The following GAN variants were observed in gnomAD, a reference collection of about 807,000 sequenced individuals.
GAN encodes epididymis secretory sperm binding protein.
GAN carries 48 observed loss-of-function variants against 71.3 expected under a neutral mutation model. The ratio of observed to expected loss-of-function variants is 0.67; its 90% CI spans 0.53 to 0.86. GAN has a LOEUF of 0.86. Among genes scored for constraint, GAN ranks in the 40% least tolerant of loss-of-function variants. The pLI, the probability that GAN is intolerant of heterozygous loss-of-function variation, is 0.00. For synonymous variants in GAN, 386 were observed against 276.8 expected, an observed-to-expected ratio of 1.39 and a Z score of -3.92; for missense variants, 928 against 770.1, an observed-to-expected ratio of 1.21 and a Z score of -2.43.
chr16:81,338,321 T>C (rs747163791), intron 1 of GAN, among the ~76,000 whole-genome samples: 1 of 152,230 alleles, frequency 6.6e-6, no homozygotes, highest in Non-Finnish European at 1.5e-5. Context: ...TTTACATGTA[T>C]GATCCTGTAG....
chr16:81,357,608 T>C (rs1299133454), intron 4 of GAN, among the ~76,000 whole-genome samples: 1 of 152,238 alleles, frequency 6.6e-6, no homozygotes, highest in East Asian at 1.9e-4. Context: ...TTATAGTCCT[T>C]TGGGTATATA....
chr16:81,335,833 C>G (rs756674159), intron 1 of GAN, among the ~76,000 whole-genome samples: 1 of 150,768 alleles, frequency 6.6e-6, no homozygotes, highest in Non-Finnish European at 1.5e-5. Context: ...GAGTAAAAAC[C>G]GTAATCTAGG....
Position 81,378,757 on chromosome 16 carries a change from T to A in GAN, c.*1161T>A, listed in dbSNP as rs1267333881. The stretch of plus-strand genomic sequence containing the variant: ...AAACTACCTCAACTTAATTTCATTC[T>A]GTTCATAGTAGAGCAAATTAATCTT... On this transcript the variant is annotated 3_prime_UTR_variant, in exon 11 of 11. Transcript: ENST00000648994. 6.5e-6 allele frequency: 1 copy of A among 152,682 alleles called. No homozygotes were observed. The highest frequency in any genetic ancestry group is 1.5e-5 in the Non-Finnish European group (1 of 68,046). 9.5% of individuals were successfully genotyped at this position (152,682 alleles called of 1,614,324 possible). A position where few individuals can be genotyped will look rare whatever the true frequency, so the allele number is the denominator to read the frequency against.
chr16:81,364,681 C>A (rs1192575559), intron 7 of GAN, among the ~76,000 whole-genome samples: 1 of 152,046 alleles, frequency 6.6e-6, no homozygotes, highest in Non-Finnish European at 1.5e-5. Context: ...TGAACGAGAC[C>A]CTGTCTCTAA....
intron 9 of GAN, among the ~76,000 whole-genome samples, chr16:81,368,928 T>C (rs1266695354): frequency 6.6e-6 from 1 of 152,148 alleles, no homozygotes; most frequent in Non-Finnish European, 1.5e-5. Flanking sequence ...TAAACAAAGG[T>C]AATAGTTCTT....
chr16:81,386,989 G>C lies in GAN; in HGVS notation c.*9393G>C, dbSNP rs1272494395. On this transcript the variant is annotated 3_prime_UTR_variant, in exon 11 of 11. Coordinates refer to ENST00000648994, the MANE Select transcript of GAN (RefSeq NM_022041.4). ...GGAAGTAGAAGTAGGATTTAACAAA[G>C]GACCGAGAAGTCGGCTGAATAGCCA... is the stretch of plus-strand genomic sequence containing the variant. 6.6e-6 allele frequency: 1 copy of C among 152,228 alleles called. No homozygotes were observed. Among genetic ancestry groups the C allele is most frequent in the African/African-American group, 2.4e-5 (1 of 41,450 alleles). The allele number at this position is 152,228 out of a possible 1,614,324, so 9.4% of individuals were successfully genotyped here.
chr16:81,346,703 C>T (rs1910130323), intron 1 of GAN, among the ~76,000 whole-genome samples: 1 of 152,134 alleles, frequency 6.6e-6, no homozygotes, highest in Non-Finnish European at 1.5e-5. Context: ...TCTAAGATGC[C>T]TGAGAAAGCT....
chr16:81,335,574 C>T (rs1381044545), intron 1 of GAN, among the ~76,000 whole-genome samples: 2 of 151,860 alleles, frequency 1.3e-5, no homozygotes, highest in Admixed American at 6.6e-5. Flanking sequence ...TGGTGAAACC[C>T]CATCTCTACT....
At position 81,387,851 on chromosome 16, in the gene GAN, C is replaced by CAGAAATAGGGG. The variant is rs1023444555; in HGVS notation, c.*10257_*10267dup. 6.6e-6 allele frequency: 1 copy of CAGAAATAGGGG among 152,018 alleles called. No homozygotes were observed. The highest frequency in any genetic ancestry group is 1.5e-5 in the Non-Finnish European group (1 of 68,006). The allele number at this position is 152,018 out of a possible 1,614,324, so 9.4% of individuals were successfully genotyped here. ...AAAAAATTAAAAAAAAAGGTCTGCT[C>CAGAAATAGGGG]AGAAATAGGGGAAACACGGGATCAA... On this transcript the variant is annotated 3_prime_UTR_variant, in exon 11 of 11. Transcript: ENST00000648994.
At position 81,364,876 on chromosome 16, in the gene GAN, C is replaced by T. The variant is rs956506953; in HGVS notation, c.1237-98C>T. The T allele has an allele frequency of 1.6e-5, 19 of 1,220,520 alleles. No homozygotes were observed. The Middle Eastern group carries it at 9.4e-4, about 60-fold the overall frequency. 75.6% of individuals were successfully genotyped at this position (1,220,520 alleles called of 1,614,324 possible). On this transcript the variant is annotated intron_variant, in intron 7 of 10. Coordinates refer to ENST00000648994, the MANE Select transcript of GAN (RefSeq NM_022041.4). ...TTACGGTTAGAAATCAAACCCCTTCCTAAATCTCTTTAAGTATGGCCCAGA... is the reference window on the plus strand; with the variant it reads ...TTACGGTTAGAAATCAAACCCCTTCTTAAATCTCTTTAAGTATGGCCCAGA...
At chr16:81,324,302 G>T (rs1282348449) in intron 1 of GAN, among the ~76,000 whole-genome samples, 1 of 151,794 alleles carries the variant, frequency 6.6e-6, no homozygotes, top group Non-Finnish European at 1.5e-5. Flanking sequence ...CAGTAAAGGG[G>T]TCTAATTACA....
At chr16:81,347,131 T>A (rs1910143986) in intron 1 of GAN, among the ~76,000 whole-genome samples, 1 of 152,226 alleles carries the variant, frequency 6.6e-6, no homozygotes, top group African/African-American at 2.4e-5. Context: ...TACACTGTTT[T>A]CTCTCTTGAC....
chr16:81,316,592 G>A (rs540086186), intron 1 of GAN, among the ~76,000 whole-genome samples: 1 of 152,288 alleles, frequency 6.6e-6, no homozygotes, highest in African/African-American at 2.4e-5. Flanking sequence ...CGAGGTTTGA[G>A]CAACCCATCC....
intron 1 of GAN, among the ~76,000 whole-genome samples, chr16:81,325,922 G>A (rs1909370304): frequency 6.6e-6 from 1 of 152,206 alleles, no homozygotes; most frequent in East Asian, 1.9e-4. Flanking sequence ...CTTTCTGCAT[G>A]TGTTTCTTGT....
At chr16:81,335,455 A>T (rs572011853) in intron 1 of GAN, among the ~76,000 whole-genome samples, 1 of 152,068 alleles carries the variant, frequency 6.6e-6, no homozygotes, top group Non-Finnish European at 1.5e-5. Context: ...TGTGTCTACT[A>T]AAAATACATG....
intron 1 of GAN, among the ~76,000 whole-genome samples, chr16:81,340,877 G>C (rs1909918920): frequency 6.6e-6 from 1 of 151,898 alleles, no homozygotes; most frequent in Non-Finnish European, 1.5e-5. Context: ...CCCATCGCAA[G>C]GAATCGAAAA....
chr16:81,365,258 T>A, intron 8 of GAN, 92 bp from the exon 9 acceptor site: 1 of 1,577,374 alleles, frequency 6.3e-7, no homozygotes, highest in Non-Finnish European at 8.7e-7. Flanking sequence ...CACGTAGTAA[T>A]GCTGCAGAGT....
intron 1 of GAN, among the ~76,000 whole-genome samples, chr16:81,340,799 G>A (rs1230777911): frequency 6.6e-6 from 1 of 151,984 alleles, no homozygotes; most frequent in African/African-American, 2.4e-5. Flanking sequence ...AATTTGATGA[G>A]TTGATAGAAG....
Position 81,384,938 on chromosome 16 carries a change from T to G in GAN, c.*7342T>G, listed in dbSNP as rs1455268697. On this transcript the variant is annotated 3_prime_UTR_variant, in exon 11 of 11. Transcript: ENST00000648994. ...GAGATCTTGTAATAATGGCCCAGTT[T>G]CAGGGCACAGTTGTACACATTCTAC... The G allele has an allele frequency of 6.5e-6, 1 of 154,254 alleles. No individual in the cohort carries two copies. The allele number at this position is 154,254 out of a possible 1,614,324, so 9.6% of individuals were successfully genotyped here.
Sources: allele counts gnomAD v4.1 joint callset (sites outside exome capture counted in the v4.1 genomes callset), GRCh38; gene constraint gnomAD v4.1.1; transcripts MANE v1.5; gene names NCBI Gene and HGNC (gene_info 2026-07-23, HGNC 2026-07-21).